Variants in POLK observed in about 807,000 individuals in gnomAD.
POLK encodes the protein DNA polymerase kappa.
Under a neutral mutation model 94.0 loss-of-function variants are expected in POLK, and 76 were observed. That is an observed-to-expected ratio of 0.81 (90% confidence interval 0.67 to 0.98). POLK has a LOEUF of 0.98. POLK is among the 50% of genes least tolerant of loss of function. The pLI is 0.00. For missense variants in POLK, 954 were observed against 1,010.1 expected (o/e 0.94, Z 0.75); for synonymous variants, 349 against 325.4 (o/e 1.07, Z -0.78).
chr5:75,569,859 T>G (rs982704977), intron 4 of POLK, among the ~76,000 whole-genome samples: 2 of 152,152 alleles, frequency 1.3e-5, no homozygotes, highest in Non-Finnish European at 2.9e-5. Flanking sequence ...AACTCTATTG[T>G]GAACTGCACA....
chr5:75,595,189 T>C (rs893916282), intron 12 of POLK, among the ~76,000 whole-genome samples: 4 of 133,620 alleles, frequency 3.0e-5, no homozygotes, highest in Non-Finnish European at 4.5e-5. Context: ...GAAGTTGCAG[T>C]GAGCTGAGAT....
intron 12 of POLK, among the ~76,000 whole-genome samples, chr5:75,594,875 A>G (rs758833965): frequency 6.6e-6 from 1 of 152,218 alleles, no homozygotes; most frequent in East Asian, 1.9e-4. Flanking sequence ...TGCACATTTT[A>G]CTAGTAAGGA....
chr5:75,596,167 T>C, intron 12 of POLK, 55 bp from the exon 13 acceptor site: 1 of 962,150 alleles, frequency 1.0e-6, no homozygotes, highest in Non-Finnish European at 1.6e-6. Context: ...TTTTATGCAT[T>C]GTGAGTGAAT....
chr5:75,591,104 G>T (rs1010323706), intron 11 of POLK, among the ~76,000 whole-genome samples: 3 of 152,198 alleles, frequency 2.0e-5, no homozygotes, highest in Non-Finnish European at 2.9e-5. Context: ...AGATCAGTAA[G>T]GTGACTATAG....
At position 75,583,399 on chromosome 5, in the gene POLK, G is replaced by A. The variant is rs749141986; in HGVS notation, c.1041G>A (p.Lys347=). The A allele has an allele frequency of 1.4e-5, 22 of 1,598,356 alleles. No individual in the cohort carries two copies. The South Asian group carries it at 2.5e-4, about 18-fold the overall frequency. The change falls in exon 8 of 15, where the codon AAG becomes AAA. Residue 347 remains lysine (K), a synonymous_variant. Transcript: ENST00000241436. ...GACAAGCTGTGATGGACTTCATCAA[G>A]GATTTACCCATTAGAAAGGTAAGAT...
chr5:75,598,223 C>T, exon 15 of POLK: 1 of 299,792 alleles, frequency 3.3e-6, no homozygotes, highest in Non-Finnish European at 6.2e-6. Flanking sequence ...TTCCATTATA[C>T]ATCAATTGGA....
At chr5:75,512,772 A>AC (rs1471551931) in intron 1 of POLK, 2 of 150,658 alleles carry the variant, frequency 1.3e-5, no homozygotes, top group Non-Finnish European at 3.0e-5. Context: ...TTGTTATTAA[A>AC]CCTTAGAAAG....
chr5:75,552,514 G>C, exon 3 of POLK: 1 of 1,612,640 alleles, frequency 6.2e-7, no homozygotes, highest in Non-Finnish European at 8.5e-7. Context: ...AGAAAAGCAA[G>C]TCAACCAACG....
At chr5:75,561,254 C>G (rs1770957872) in intron 3 of POLK, among the ~76,000 whole-genome samples, 1 of 152,162 alleles carries the variant, frequency 6.6e-6, no homozygotes, top group African/African-American at 2.4e-5. Context: ...TTGCGTTTCT[C>G]TAATGACCAT....
At position 75,597,182 on chromosome 5, in the gene POLK, A is replaced by T. The variant is rs745990629; in HGVS notation, c.2485+4A>T. 4 of 1,387,546 alleles carry T rather than the reference A, an allele frequency of 2.9e-6. No individual in the cohort carries two copies. In the African/African-American group the frequency reaches 5.7e-5, roughly 20 times the overall value. The allele number at this position is 1,387,546 out of a possible 1,614,324, so 86.0% of individuals were successfully genotyped here. A position where few individuals can be genotyped will look rare whatever the true frequency, so the allele number is the denominator to read the frequency against. On this transcript the variant is annotated splice_donor_region_variant and intron_variant, in intron 13 of 14. Coordinates refer to ENST00000241436, the Ensembl canonical transcript of POLK. ...AAAGAAAGCTCCAGAAGTACTGGTA[A>T]GTGTGTAATTGTTTTAAACTGCATG...
intron 1 of POLK, among the ~76,000 whole-genome samples, chr5:75,522,762 A>G (rs1003170595): frequency 6.6e-6 from 1 of 152,172 alleles, no homozygotes; most frequent in Non-Finnish European, 1.5e-5. Context: ...GAGCATAGGA[A>G]AAACAGGATC....
upstream of POLK, chr5:75,511,215 C>G (rs1249065687): frequency 1.4e-5 from 23 of 1,612,496 alleles, no homozygotes; most frequent in Non-Finnish European, 1.9e-5. Flanking sequence ...CATGGAGGCT[C>G]GACAACCGAG....
intron 1 of POLK, among the ~76,000 whole-genome samples, chr5:75,514,519 C>T (rs1580893762): frequency 6.6e-6 from 1 of 152,272 alleles, no homozygotes; most frequent in East Asian, 1.9e-4. Flanking sequence ...GTTTTAGGTT[C>T]ATTTGATTTA....
upstream of POLK, chr5:75,511,301 C>A (rs1767977695): frequency 1.3e-6 from 2 of 1,558,338 alleles, no homozygotes; most frequent in East Asian, 2.4e-5. Context: ...CGGGGGATGG[C>A]GAAGCGAAGA....
chr5:75,524,093 G>A (rs1768716047), intron 1 of POLK, among the ~76,000 whole-genome samples: 1 of 151,348 alleles, frequency 6.6e-6, no homozygotes, highest in Non-Finnish European at 1.5e-5. Context: ...TTGCGCCACT[G>A]CACTCCAGCC....
rs1174705018 is a variant in POLK at position 75,546,911 on chromosome 5, C to T, written c.-13-99C>T. On this transcript the variant is annotated intron_variant, in intron 1 of 14. Transcript: ENST00000241436. The stretch of plus-strand genomic sequence containing the variant: ...CGAACCCCTGAGCTCAGTCAATCTG[C>T]CCGCCTCGGCCTCCCAAAGTGCTAG... 1.2e-5 allele frequency: 6 copies of T among 497,744 alleles called. No individual in the cohort carries two copies. In the East Asian group the frequency reaches 1.7e-4, roughly 14 times the overall value. The allele number at this position is 497,744 out of a possible 1,614,324, so 30.8% of individuals were successfully genotyped here. A position where few individuals can be genotyped will look rare whatever the true frequency, so the allele number is the denominator to read the frequency against.
intron 1 of POLK, among the ~76,000 whole-genome samples, chr5:75,514,209 T>G (rs1221674704): frequency 1.3e-5 from 2 of 152,216 alleles, no homozygotes; most frequent in Non-Finnish European, 2.9e-5. Flanking sequence ...TTCTGTAGAT[T>G]CATTGTTTTC....
intron 2 of POLK, among the ~76,000 whole-genome samples, chr5:75,548,321 A>G (rs560487352): frequency 5.9e-5 from 9 of 151,650 alleles, no homozygotes; most frequent in African/African-American, 2.2e-4. Flanking sequence ...TTATCTTTTG[A>G]CTTTGCTTAT....
intron 6 of POLK, among the ~76,000 whole-genome samples, chr5:75,578,561 G>A (rs930064902): frequency 1.3e-5 from 2 of 151,944 alleles, no homozygotes; most frequent in Admixed American, 6.6e-5. Context: ...TGCCCTCTTC[G>A]TGTATTTTCA....
Sources: gnomAD v4.1 joint callset for allele counts (sites outside exome capture counted in the v4.1 genomes callset) on GRCh38, gnomAD v4.1.1 for gene constraint, MANE v1.5 for transcripts, NCBI Gene and HGNC (gene_info 2026-07-23, HGNC 2026-07-21) for gene names.